Variants in SULF1 observed in about 807,000 individuals in gnomAD.
SULF1 encodes the protein extracellular sulfatase Sulf-1.
Under a neutral mutation model 110.5 loss-of-function variants are expected in SULF1, and 46 were observed. That is an observed-to-expected ratio of 0.42 (90% CI 0.33 to 0.53). The LOEUF (loss-of-function observed/expected upper bound fraction) is 0.53, where lower values mean the gene tolerates loss of function less well. SULF1 is among the 20% of genes least tolerant of loss of function. The pLI is 0.12. For missense variants in SULF1, 941 were observed against 1,094.2 expected (o/e 0.86, Z 1.98); for synonymous variants, 371 against 387.1 (o/e 0.96, Z 0.49).
intron 22 of SULF1, among the ~76,000 whole-genome samples, chr8:69,642,841 C>T (rs750104313): frequency 3.9e-5 from 6 of 152,134 alleles, no homozygotes; most frequent in East Asian, 3.8e-4. Flanking sequence ...GCACTTTGGG[C>T]GTAAATGACA....
chr8:69,633,414 C>T (rs1325159650), intron 19 of SULF1, among the ~76,000 whole-genome samples: 1 of 151,470 alleles, frequency 6.6e-6, no homozygotes, highest in African/African-American at 2.4e-5. Flanking sequence ...CTGCAACCTC[C>T]GCCTCTTGGG....
At chr8:69,529,344 T>C (rs12682456) in intron 3 of SULF1, among the ~76,000 whole-genome samples, 12,300 of 152,230 alleles carry the variant, frequency 0.081, 996 homozygotes, top group East Asian at 0.41. Context: ...TCTCTATTCT[T>C]ATGAATCATC....
intron 1 of SULF1, chr8:69,467,155 G>T (rs933634388): frequency 1.3e-5 from 2 of 152,148 alleles, no homozygotes; most frequent in Non-Finnish European, 2.9e-5. Context: ...GCTTTTGAAG[G>T]TGTAGCTAAG....
intron 22 of SULF1, among the ~76,000 whole-genome samples, chr8:69,654,777 C>A (rs887102358): frequency 7.9e-5 from 12 of 152,188 alleles, no homozygotes; most frequent in Admixed American, 2.6e-4. Context: ...GTATGTAAGC[C>A]AGCCTTCAAT....
At chr8:69,598,134 A>G (rs1024711576) in intron 8 of SULF1, among the ~76,000 whole-genome samples, 1 of 150,650 alleles carries the variant, frequency 6.6e-6, no homozygotes, top group African/African-American at 2.4e-5. Context: ...GGGGGGGACC[A>G]TTTGGTTAAC....
intron 13 of SULF1, among the ~76,000 whole-genome samples, chr8:69,612,211 A>G (rs1808715275): frequency 6.6e-6 from 1 of 152,184 alleles, no homozygotes. Context: ...GTAGTGTTCC[A>G]TGGTGTATAT....
In SULF1 at chr8:69,604,779, G is replaced by A. The variant is rs370044258; in HGVS notation, c.1248-24G>A. Reference sequence around the variant, plus strand: ...GTAATTCAGATCACTTCTCATGTACGAAGCTTTTCCCTTTTTGTCGAAGCA... The same window carrying A: ...GTAATTCAGATCACTTCTCATGTACAAAGCTTTTCCCTTTTTGTCGAAGCA... On this transcript the variant is annotated intron_variant, in intron 12 of 22. Coordinates refer to ENST00000402687, the MANE Select transcript of SULF1 (RefSeq NM_001128205.2). The A allele has an allele frequency of 4.7e-5, 76 of 1,612,836 alleles. 1 individual carries two copies. The highest frequency in any genetic ancestry group is 1.2e-4 in the South Asian group (11 of 91,040).
intron 3 of SULF1, among the ~76,000 whole-genome samples, chr8:69,527,119 C>T (rs1318255402): frequency 6.6e-6 from 1 of 152,100 alleles, no homozygotes; most frequent in Non-Finnish European, 1.5e-5. Flanking sequence ...TGATAGCTCT[C>T]TATCTGCTTT....
intron 3 of SULF1, among the ~76,000 whole-genome samples, chr8:69,545,180 T>C (rs1313203187): frequency 4.0e-5 from 6 of 151,308 alleles, no homozygotes; most frequent in African/African-American, 1.5e-4. Flanking sequence ...ATTAGTTGAG[T>C]TTGGAGTATA....
chr8:69,538,005 G>A (rs1347642176), intron 3 of SULF1, among the ~76,000 whole-genome samples: 2 of 149,738 alleles, frequency 1.3e-5, no homozygotes, highest in Non-Finnish European at 3.0e-5. Context: ...CTTTCACCCA[G>A]GCTGTCGTGC....
intron 21 of SULF1, among the ~76,000 whole-genome samples, chr8:69,639,533 C>T (rs1378183155): frequency 1.3e-5 from 2 of 152,208 alleles, no homozygotes; most frequent in East Asian, 3.9e-4. Context: ...AATGAAAATA[C>T]TCATTTCCTC....
At chr8:69,586,074 G>C (rs1300145725) in intron 6 of SULF1, among the ~76,000 whole-genome samples, 2 of 152,188 alleles carry the variant, frequency 1.3e-5, no homozygotes, top group Non-Finnish European at 2.9e-5. Context: ...ACTCCAGTAG[G>C]ACCATAAGAA....
chr8:69,597,615 T>A (rs1185744218), intron 8 of SULF1: 2 of 152,184 alleles, frequency 1.3e-5, no homozygotes, highest in Non-Finnish European at 2.9e-5. Context: ...TTCCTCCAAG[T>A]GGGGTGGAGC....
At position 69,630,779 on chromosome 8, in the gene SULF1, A is replaced by C. The variant is rs115555693; in HGVS notation, c.2284+1100A>C. On this transcript the variant is annotated intron_variant, in intron 19 of 22. Transcript: ENST00000402687. Reference sequence around the variant, plus strand: ...AGAAAGTAAATGAAACAAAATAATTATGAGTTGTAGTAATGCTATGAAGGA... The same window carrying C: ...AGAAAGTAAATGAAACAAAATAATTCTGAGTTGTAGTAATGCTATGAAGGA... 7.5e-3 allele frequency among the ~76,000 whole-genome samples: 1,137 copies of C among 152,290 alleles called. 17 individuals are homozygous for C. Among genetic ancestry groups the C allele is most frequent in the African/African-American group, 0.026 (1,078 of 41,540 alleles).
intron 10 of SULF1, among the ~76,000 whole-genome samples, chr8:69,602,544 G>A (rs1240273232): frequency 1.3e-5 from 2 of 152,232 alleles, no homozygotes; most frequent in Non-Finnish European, 1.5e-5. Flanking sequence ...AAGCTAGGCA[G>A]ACAGCGTCAG....
At chr8:69,638,412 G>T in intron 19 of SULF1, 90 bp from the exon 20 acceptor site, 1 of 1,405,012 alleles carries the variant, frequency 7.1e-7, no homozygotes, top group South Asian at 1.3e-5. Flanking sequence ...GAACTTTAAA[G>T]TGTAAAGATA....
intron 6 of SULF1, among the ~76,000 whole-genome samples, chr8:69,582,265 T>C (rs1806123080): frequency 6.6e-6 from 1 of 151,924 alleles, no homozygotes. Context: ...TAAGTAGTAG[T>C]GGGGAAGAAA....
intron 1 of SULF1, among the ~76,000 whole-genome samples, chr8:69,482,277 C>T (rs1405774662): frequency 6.6e-6 from 1 of 152,166 alleles, no homozygotes; most frequent in African/African-American, 2.4e-5. Context: ...TGTAAATCCT[C>T]TGAAGTTTTA....
intron 13 of SULF1, among the ~76,000 whole-genome samples, chr8:69,608,644 C>T (rs892533166): frequency 1.3e-5 from 2 of 152,054 alleles, no homozygotes; most frequent in African/African-American, 4.8e-5. Context: ...AAGATTTTAC[C>T]ATTGCACTCC....
Sources: gnomAD v4.1 joint callset for allele counts (sites outside exome capture counted in the v4.1 genomes callset) on GRCh38, gnomAD v4.1.1 for gene constraint, MANE v1.5 for transcripts, NCBI Gene and HGNC (gene_info 2026-07-23, HGNC 2026-07-21) for gene names.